Variants in SOX6 observed in about 807,000 individuals in gnomAD.
SOX6 encodes the protein SRY-box transcription factor 6.
In SOX6, 11 loss-of-function variants were observed where a neutral mutation model predicts 97.8. The observed-to-expected ratio is 0.11, with a 90% CI of 0.07 to 0.19. The LOEUF is 0.19. Ranked by LOEUF, SOX6 falls within the 10% of genes least tolerant of loss-of-function variation. The pLI is 1.00. For missense variants in SOX6, 810 were observed against 1,039.5 expected, an observed-to-expected ratio of 0.78 and a Z score of 3.04; for synonymous variants, 360 against 371.4, an observed-to-expected ratio of 0.97 and a Z score of 0.35.
At chr11:16,363,385 T>C (rs1857259123) in intron 1 of SOX6, among the ~76,000 whole-genome samples, 1 of 152,166 alleles carries the variant, frequency 6.6e-6, no homozygotes, top group South Asian at 2.1e-4. Context: ...TTGAAGCATT[T>C]TGGATTTTTA....
chr11:16,736,310 T>G (rs528087584), intron 2 of SOX6: 2 of 152,332 alleles, frequency 1.3e-5, no homozygotes, highest in South Asian at 2.1e-4. Context: ...ATATATGCAT[T>G]CTATTACACT....
At chr11:16,272,116 ATT>A (rs1854277040) in intron 3 of SOX6, among the ~76,000 whole-genome samples, 1 of 151,312 alleles carries the variant, frequency 6.6e-6, no homozygotes, top group Non-Finnish European at 1.5e-5. Context: ...TTTAGTAAAA[ATT>A]TTTCTTTTCT....
chr11:16,648,864 T>A (rs1397939322), intron 3 of SOX6, among the ~76,000 whole-genome samples: 1 of 151,840 alleles, frequency 6.6e-6, no homozygotes, highest in Non-Finnish European at 1.5e-5. Flanking sequence ...AAAATTATAT[T>A]TAAAAAATAC....
intron 6 of SOX6, among the ~76,000 whole-genome samples, chr11:16,139,345 C>A (rs966933): frequency 6.6e-6 from 1 of 152,046 alleles, no homozygotes; most frequent in African/African-American, 2.4e-5. Flanking sequence ...ATGGTTGCCA[C>A]GTGACTTTCT....
intron 4 of SOX6, among the ~76,000 whole-genome samples, chr11:16,596,572 C>T (rs999778155): frequency 6.6e-6 from 1 of 152,226 alleles, no homozygotes; most frequent in African/African-American, 2.4e-5. Flanking sequence ...AAGGCCATCT[C>T]CTACTAGAAG....
intron 9 of SOX6, among the ~76,000 whole-genome samples, chr11:16,084,563 T>C (rs1045150894): frequency 6.6e-6 from 1 of 152,076 alleles, no homozygotes; most frequent in Non-Finnish European, 1.5e-5. Flanking sequence ...TTATCCCCAG[T>C]TCACAGACGA....
At chr11:16,463,980 G>A (rs980703527) in intron 1 of SOX6, among the ~76,000 whole-genome samples, 1 of 152,148 alleles carries the variant, frequency 6.6e-6, no homozygotes, top group Non-Finnish European at 1.5e-5. Context: ...ATTCTGTGTG[G>A]AAGAAATGCC....
intron 3 of SOX6, among the ~76,000 whole-genome samples, chr11:16,290,854 G>C (rs1854889926): frequency 6.6e-6 from 1 of 151,958 alleles, no homozygotes; most frequent in Non-Finnish European, 1.5e-5. Flanking sequence ...AAAGACTTTT[G>C]CTTCAGTTAA....
chr11:16,371,631 A>G (rs1042606929), intron 1 of SOX6, among the ~76,000 whole-genome samples: 3 of 152,124 alleles, frequency 2.0e-5, no homozygotes, highest in African/African-American at 7.2e-5. Context: ...CAAACTCCAA[A>G]GCGCCAAAGA....
chr11:16,384,066 A>T (rs772163078), intron 1 of SOX6, among the ~76,000 whole-genome samples: 4 of 151,990 alleles, frequency 2.6e-5, no homozygotes, highest in East Asian at 3.9e-4. Context: ...AAACGTTGTT[A>T]AAAAAGTAAA....
At chr11:16,073,266 A>G (rs1185815336) in intron 9 of SOX6, among the ~76,000 whole-genome samples, 3 of 152,168 alleles carry the variant, frequency 2.0e-5, no homozygotes, top group Non-Finnish European at 4.4e-5. Flanking sequence ...CAAGGCAAAC[A>G]GAAAACAGAA....
intron 2 of SOX6, among the ~76,000 whole-genome samples, chr11:16,735,968 G>GC (rs1741992940): frequency 6.6e-6 from 1 of 152,080 alleles, no homozygotes. Context: ...ATCTGTGACT[G>GC]CCCACTACAT....
At chr11:16,413,582 G>A (rs1001655766) in intron 1 of SOX6, among the ~76,000 whole-genome samples, 14 of 141,772 alleles carry the variant, frequency 9.9e-5, no homozygotes, top group Admixed American at 5.9e-4. Context: ...GTGCAGTGGC[G>A]TGATCTCGGC....
intron 3 of SOX6, among the ~76,000 whole-genome samples, chr11:16,637,556 T>C (rs2134000866): frequency 6.6e-6 from 1 of 152,320 alleles, no homozygotes; most frequent in African/African-American, 2.4e-5. Context: ...AAACTATAAA[T>C]TTCCCCAAAT....
chr11:16,184,506 T>C (rs1851420470), intron 5 of SOX6, among the ~76,000 whole-genome samples: 1 of 152,118 alleles, frequency 6.6e-6, no homozygotes, highest in Non-Finnish European at 1.5e-5. Context: ...ATGTACAAAA[T>C]ATTTTTAAAA....
rs1020424850 is a variant in SOX6, at chr11:16,058,547, T to C, written c.1102-2646A>G. 3.9e-5 allele frequency among the ~76,000 whole-genome samples: 6 copies of C among 152,108 alleles called. No individual in the cohort carries two copies. In the East Asian group the frequency reaches 1.2e-3, roughly 29 times the overall value. The stretch of plus-strand genomic sequence containing the variant: ...AAGGTAATGATGCAGAAAGTCTGCT[T>C]TTTCATTGGGAAATCACAAATATCA... On this transcript the variant is annotated intron_variant, in intron 9 of 15. Coordinates refer to ENST00000683767, the MANE Select transcript of SOX6 (RefSeq NM_001367873.1).
chr11:16,508,703 A>G (rs1239730073), intron 4 of SOX6, among the ~76,000 whole-genome samples: 1 of 152,038 alleles, frequency 6.6e-6, no homozygotes, highest in East Asian at 1.9e-4. Context: ...AGGGTGGGAG[A>G]TGAGGAAAGG....
chr11:16,139,560 T>C (rs1850072558), intron 6 of SOX6, among the ~76,000 whole-genome samples: 1 of 152,276 alleles, frequency 6.6e-6, no homozygotes, highest in South Asian at 2.1e-4. Context: ...GGATGCTTTA[T>C]CCTTTTGTTA....
chr11:16,312,947 T>G (rs1253987085), intron 3 of SOX6: 1 of 152,198 alleles, frequency 6.6e-6, no homozygotes, highest in African/African-American at 2.4e-5. Flanking sequence ...TTTCTGACAT[T>G]CAATCATTCA....
Sources: gnomAD v4.1 joint callset for allele counts (sites outside exome capture counted in the v4.1 genomes callset) on GRCh38, gnomAD v4.1.1 for gene constraint, MANE v1.5 for transcripts, NCBI Gene and HGNC (gene_info 2026-07-23, HGNC 2026-07-21) for gene names.